The following TLN2 variants were observed in gnomAD, a reference collection of about 807,000 sequenced individuals.
The protein encoded by TLN2 is talin 2.
TLN2 carries 118 observed loss-of-function variants against 294.7 expected under a neutral mutation model. That is an observed-to-expected ratio of 0.40 (90% CI 0.34 to 0.47). TLN2 has a LOEUF of 0.47. Among genes scored for constraint, TLN2 ranks in the 20% least tolerant of loss-of-function variants. The pLI is 0.84. For synonymous variants in TLN2, 1,431 were observed against 1,304.5 expected (o/e 1.10, Z -2.09); for missense variants, 3,083 against 3,282.2 (o/e 0.94, Z 1.48).
Position 62,565,334 on chromosome 15 carries a change from TTAAAG to T in TLN2, c.-237-24350_-237-24346del, listed in dbSNP as rs2043306378. ...AAGATATAGGGACAATTTAAAAACATTAAAGTATATACATAATAAATTGCACTAGA... is the reference window on the plus strand; with the variant it reads ...AAGATATAGGGACAATTTAAAAACATTATATACATAATAAATTGCACTAGA... On this transcript the variant is annotated intron_variant, in intron 1 of 58. Coordinates refer to ENST00000636159, the MANE Select transcript of TLN2 (RefSeq NM_015059.3). Among the ~76,000 whole-genome samples, 8 of 152,190 alleles carry T rather than the reference TTAAAG, an allele frequency of 5.3e-5. No individual in the cohort carries two copies. In the South Asian group the frequency reaches 1.7e-3, roughly 31 times the overall value.
chr15:62,391,888 C>G (rs1191440705), intron 1 of TLN2, among the ~76,000 whole-genome samples: 1 of 152,276 alleles, frequency 6.6e-6, no homozygotes, highest in African/African-American at 2.4e-5. Context: ...TCAGCCGGAG[C>G]CGTGCGCTGG....
chr15:62,696,695 T>A (rs1222764171), intron 14 of TLN2, among the ~76,000 whole-genome samples: 1 of 152,094 alleles, frequency 6.6e-6, no homozygotes, highest in Non-Finnish European at 1.5e-5. Context: ...ATGACAAGAG[T>A]GAAACTCTGT....
intron 34 of TLN2, 46 bp downstream of exon 34, chr15:62,750,537 A>G (rs764901799): frequency 9.1e-6 from 14 of 1,538,968 alleles, no homozygotes; most frequent in East Asian, 6.7e-5. Flanking sequence ...TTGCTTGTCA[A>G]TGTGGGGAGA....
At chr15:62,578,748 G>A (rs529579916) in intron 1 of TLN2, among the ~76,000 whole-genome samples, 12 of 152,304 alleles carry the variant, frequency 7.9e-5, no homozygotes, top group South Asian at 4.1e-4. Context: ...TGCTGTGCTC[G>A]TGTGTCCCTC....
intron 9 of TLN2, among the ~76,000 whole-genome samples, chr15:62,668,745 C>T (rs887473903): frequency 8.5e-5 from 13 of 152,146 alleles, no homozygotes; most frequent in South Asian, 8.3e-4. Flanking sequence ...TACAAGATGC[C>T]GGCTTCCCAC....
At chr15:62,568,678 C>T (rs928601272) in intron 1 of TLN2, among the ~76,000 whole-genome samples, 1 of 152,128 alleles carries the variant, frequency 6.6e-6, no homozygotes, top group Non-Finnish European at 1.5e-5. Flanking sequence ...ATGGAAACAC[C>T]TTCTCTCTTG....
At chr15:62,770,844 C>A (rs1220812225) in intron 41 of TLN2, 120 bp from the exon 42 acceptor site, 2 of 1,222,552 alleles carry the variant, frequency 1.6e-6, no homozygotes, top group African/African-American at 1.5e-5. Context: ...TGCAGCAGAT[C>A]TGCCTCTCCC....
At chr15:62,705,414 A>G (rs986581646) in intron 19 of TLN2, among the ~76,000 whole-genome samples, 4 of 152,204 alleles carry the variant, frequency 2.6e-5, no homozygotes, top group Admixed American at 2.0e-4. Flanking sequence ...TACACTGGCT[A>G]TATAATAGTG....
intron 1 of TLN2, among the ~76,000 whole-genome samples, chr15:62,557,126 A>G (rs943155945): frequency 7.2e-5 from 11 of 152,170 alleles, no homozygotes; most frequent in African/African-American, 2.4e-4. Context: ...CTAGGAACAC[A>G]CTTTGAGCAA....
intron 25 of TLN2, among the ~76,000 whole-genome samples, chr15:62,720,845 T>C (rs1020679585): frequency 6.6e-6 from 1 of 152,136 alleles, no homozygotes; most frequent in African/African-American, 2.4e-5. Context: ...TTTGCCATCA[T>C]GAATAACGTG....
Position 62,737,026 on chromosome 15 carries a change from A to C in TLN2, c.3507A>C (p.Gln1169His). The C allele has an allele frequency of 1.2e-6, 2 of 1,614,226 alleles. No individual in the cohort carries two copies. The highest frequency in any genetic ancestry group is 1.7e-6 in the Non-Finnish European group (2 of 1,180,048). The change falls in exon 29 of 59, where the codon CAA becomes CAC. Residue 1169 changes from glutamine to histidine, a missense_variant. Physicochemically the swap from Gln to His is conservative, Grantham distance 24. Coordinates refer to ENST00000636159, the MANE Select transcript of TLN2 (RefSeq NM_015059.3). ...TGGAGGGCTCCGCCATGCTCATTCA[A>C]GAGGCCAAGCAGGCCCTGATTGCAC... Reference protein sequence around the residue: ...DVMEGSAMLIQEAKQALIAPG... With the variant: ...DVMEGSAMLIHEAKQALIAPG...
intron 1 of TLN2, among the ~76,000 whole-genome samples, chr15:62,414,038 A>G (rs1426204302): frequency 1.5e-5 from 2 of 135,792 alleles, no homozygotes; most frequent in African/African-American, 5.2e-5. Context: ...AACTTGAGCT[A>G]GAGGCCAAGT....
chr15:62,778,078 G>A (rs985624332), intron 43 of TLN2, among the ~76,000 whole-genome samples: 4 of 152,186 alleles, frequency 2.6e-5, no homozygotes, highest in Admixed American at 6.5e-5. Context: ...ATTTAGAGAA[G>A]ATTGGTTGTT....
Position 62,639,874 on chromosome 15 carries a change from G to A in TLN2, c.-36-7401G>A, listed in dbSNP as rs11633130. Among the ~76,000 whole-genome samples the A allele has an allele frequency of 4.9e-3, 743 of 152,184 alleles. 3 individuals are homozygous for A. Among genetic ancestry groups the A allele is most frequent in the Non-Finnish European group, 8.5e-3 (576 of 67,944 alleles). ...GGCTCCTTGGTAAAGCTGGACTGAC[G>A]ATGAGATCAAATGGGATGCCCTGCT... On this transcript the variant is annotated intron_variant, in intron 3 of 58. Coordinates refer to ENST00000636159, the MANE Select transcript of TLN2 (RefSeq NM_015059.3).
At chr15:62,677,488 G>A (rs535610549) in intron 11 of TLN2, among the ~76,000 whole-genome samples, 6 of 152,092 alleles carry the variant, frequency 3.9e-5, no homozygotes, top group Non-Finnish European at 8.8e-5. Flanking sequence ...ACACCAAATT[G>A]TAGAAAAAAT....
At chr15:62,695,383 A>G (rs776667008) in intron 14 of TLN2, among the ~76,000 whole-genome samples, 4 of 152,180 alleles carry the variant, frequency 2.6e-5, no homozygotes, top group South Asian at 2.1e-4. Context: ...GCTTGCCTTG[A>G]TAAGACCCCA....
chr15:62,449,263 G>A (rs190056293), intron 1 of TLN2, among the ~76,000 whole-genome samples: 39 of 152,226 alleles, frequency 2.6e-4, no homozygotes, highest in Admixed American at 2.3e-3. Context: ...TCCTCCATGC[G>A]TAGGTCTTGA....
intron 1 of TLN2, among the ~76,000 whole-genome samples, chr15:62,423,869 C>T (rs1461595534): frequency 1.3e-5 from 2 of 152,204 alleles, no homozygotes; most frequent in African/African-American, 2.4e-5. Context: ...CGTGAGCAAC[C>T]GTGCCCGGCC....
At chr15:62,663,128 T>C (rs2054093604) in intron 9 of TLN2, among the ~76,000 whole-genome samples, 1 of 152,150 alleles carries the variant, frequency 6.6e-6, no homozygotes, top group African/African-American at 2.4e-5. Context: ...AGAGAGAATT[T>C]GACATTTTAG....
Sources: allele counts gnomAD v4.1 joint callset (sites outside exome capture counted in the v4.1 genomes callset), GRCh38; gene constraint gnomAD v4.1.1; transcripts MANE v1.5; gene names NCBI Gene and HGNC (gene_info 2026-07-23, HGNC 2026-07-21).